Variants in RAB3GAP1 observed in about 807,000 individuals in gnomAD.
The protein encoded by RAB3GAP1 is RAB3 GTPase activating protein catalytic subunit 1.
A neutral mutation model predicts 130.7 loss-of-function variants in RAB3GAP1; 86 were observed. The observed-to-expected ratio is 0.66, with a 90% CI of 0.55 to 0.79. The LOEUF is 0.79. Among genes scored for constraint, RAB3GAP1 ranks in the 30% least tolerant of loss-of-function variants. RAB3GAP1 has a pLI of 0.00. For missense variants in RAB3GAP1, 1,029 were observed against 1,169.4 expected, an observed-to-expected ratio of 0.88 and a Z score of 1.75; for synonymous variants, 367 against 401.7, an observed-to-expected ratio of 0.91 and a Z score of 1.03.
rs1691468086 is a variant in RAB3GAP1, at chr2:135,129,551, T to C, written c.974-444T>C. Among the ~76,000 whole-genome samples the C allele has an allele frequency of 2.0e-5, 3 of 152,130 alleles. No homozygotes were observed. In the South Asian group the frequency reaches 6.2e-4, roughly 31 times the overall value. On this transcript the variant is annotated intron_variant, in intron 11 of 23. Transcript: ENST00000264158. ...ACTGAAATATCTTTATCCTACATGA[T>C]TTCCTAATCTTCTAGAAACATGTCT...
At chr2:135,123,998 G>A in intron 8 of RAB3GAP1, 167 bp from the exon 9 acceptor site, 3 of 618,766 alleles carry the variant, frequency 4.8e-6, no homozygotes, top group Non-Finnish European at 8.6e-6. Context: ...CTCTGGGGAA[G>A]TCAAATATTG....
chr2:135,084,145 T>C (rs1689909901), intron 3 of RAB3GAP1, among the ~76,000 whole-genome samples: 1 of 152,096 alleles, frequency 6.6e-6, no homozygotes, highest in Admixed American at 6.6e-5. Context: ...CTTGGGAGGC[T>C]GAGGCAGGAG....
At position 135,135,335 on chromosome 2, in the gene RAB3GAP1, T is replaced by A; in HGVS notation, c.1554+16T>A. On this transcript the variant is annotated intron_variant, in intron 16 of 23. Transcript: ENST00000264158. ...GAAACTACAGGTAAAGATTTCTCAA[T>A]GACATGGATAAATGTGGTCTTGATT... is the stretch of plus-strand genomic sequence containing the variant. 6.3e-7 allele frequency: 1 copy of A among 1,584,392 alleles called. No individual in the cohort carries two copies. The highest frequency in any genetic ancestry group is 8.7e-7 in the Non-Finnish European group (1 of 1,153,160).
chr2:135,110,930 A>G (rs2104909292), intron 5 of RAB3GAP1, among the ~76,000 whole-genome samples: 1 of 152,292 alleles, frequency 6.6e-6, no homozygotes, highest in Middle Eastern at 3.4e-3. Flanking sequence ...AGAGGATGGA[A>G]CGGGGATGTT....
At chr2:135,125,622 C>T (rs1691326168) in intron 9 of RAB3GAP1, among the ~76,000 whole-genome samples, 1 of 152,180 alleles carries the variant, frequency 6.6e-6, no homozygotes, top group African/African-American at 2.4e-5. Context: ...CTTGTGATCA[C>T]TCTGATCACC....
At chr2:135,076,559 A>G (rs1689640656) in intron 3 of RAB3GAP1, among the ~76,000 whole-genome samples, 1 of 152,138 alleles carries the variant, frequency 6.6e-6, no homozygotes, top group Admixed American at 6.5e-5. Context: ...GGGCTTTTAT[A>G]TTTTTATGAA....
chr2:135,053,182 G>T (rs1574069254), intron 2 of RAB3GAP1, among the ~76,000 whole-genome samples: 1 of 152,332 alleles, frequency 6.6e-6, no homozygotes, highest in East Asian at 1.9e-4. Flanking sequence ...TCGCTGTGTT[G>T]CCCAGGCTAG....
intron 14 of RAB3GAP1, among the ~76,000 whole-genome samples, chr2:135,133,276 AT>A (rs939315393): frequency 4.7e-4 from 71 of 152,178 alleles, no homozygotes; most frequent in African/African-American, 1.6e-3. Context: ...TTCTCAGCAG[AT>A]TCTTTTTGAT....
chr2:135,126,966 C>T (rs972015730), intron 11 of RAB3GAP1, among the ~76,000 whole-genome samples: 1 of 151,982 alleles, frequency 6.6e-6, no homozygotes, highest in South Asian at 2.1e-4. Flanking sequence ...ACCTCTGCCT[C>T]CCGGGTTCAA....
chr2:135,105,837 C>T (rs1292659644), intron 5 of RAB3GAP1, among the ~76,000 whole-genome samples: 2 of 151,422 alleles, frequency 1.3e-5, no homozygotes, highest in Admixed American at 6.6e-5. Flanking sequence ...AGCGCCTCTG[C>T]CCCGCCGCCC....
intron 17 of RAB3GAP1, among the ~76,000 whole-genome samples, chr2:135,139,905 A>G (rs1018171122): frequency 5.9e-5 from 9 of 152,214 alleles, no homozygotes; most frequent in African/African-American, 1.9e-4. Context: ...TTTTGTCACC[A>G]TAGGTTAGCT....
chr2:135,086,661 CTTTTTTTTTTTTTTT>C lies in RAB3GAP1; in HGVS notation c.151-4326_151-4312del, dbSNP rs59270938. ...CCTGTAGTCCATTGCTTCCCCTAAT[CTTTTTTTTTTTTTTT>C]TTTTTTTTTTCCTTAGAGATAGGGT... On this transcript the variant is annotated intron_variant, in intron 3 of 23. Transcript: ENST00000264158. Among the ~76,000 whole-genome samples the C allele has an allele frequency of 3.6e-3, 232 of 65,088 alleles. 1 individual carries two copies. Among genetic ancestry groups the C allele is most frequent in the African/African-American group, 0.015 (228 of 15,548 alleles). The allele number at this position is 65,088 out of a possible 152,430, so 42.7% of individuals were successfully genotyped here.
chr2:135,137,268 T>C (rs915907625), intron 17 of RAB3GAP1: 3 of 399,148 alleles, frequency 7.5e-6, no homozygotes, highest in East Asian at 7.5e-5. Flanking sequence ...GTTAAAGGTA[T>C]TGGCGTATTC....
chr2:135,111,426 CTGAA>C (rs1690798422), intron 5 of RAB3GAP1, among the ~76,000 whole-genome samples: 1 of 152,092 alleles, frequency 6.6e-6, no homozygotes, highest in African/African-American at 2.4e-5. Context: ...GATATGGCAA[CTGAA>C]TGAGAAGTTT....
intron 3 of RAB3GAP1, among the ~76,000 whole-genome samples, chr2:135,062,823 G>T (rs553272217): frequency 6.6e-6 from 1 of 152,240 alleles, no homozygotes; most frequent in East Asian, 1.9e-4. Context: ...TTGTTTTCCA[G>T]TTGTTCACTG....
At chr2:135,070,569 G>T (rs575838210) in intron 3 of RAB3GAP1, among the ~76,000 whole-genome samples, 4 of 152,004 alleles carry the variant, frequency 2.6e-5, no homozygotes. Context: ...GTGCAGTGGC[G>T]CAATCTCGGC....
intron 7 of RAB3GAP1, among the ~76,000 whole-genome samples, chr2:135,118,621 T>A (rs189279075): frequency 5.8e-4 from 89 of 152,332 alleles, no homozygotes; most frequent in African/African-American, 8.2e-4. Context: ...AGTTTCATTT[T>A]AAATTTTTAA....
At chr2:135,094,677 C>G (rs1690241274) in intron 5 of RAB3GAP1, among the ~76,000 whole-genome samples, 1 of 152,186 alleles carries the variant, frequency 6.6e-6, no homozygotes, top group Non-Finnish European at 1.5e-5. Flanking sequence ...CTTCCCACTT[C>G]TAACCCATGT....
At chr2:135,074,832 G>C (rs778311577) in intron 3 of RAB3GAP1, among the ~76,000 whole-genome samples, 2 of 152,254 alleles carry the variant, frequency 1.3e-5, no homozygotes, top group Non-Finnish European at 2.9e-5. Flanking sequence ...CAGCACAGCA[G>C]AGAAGGGGCT....
Sources: gnomAD v4.1 joint callset for allele counts (sites outside exome capture counted in the v4.1 genomes callset) on GRCh38, gnomAD v4.1.1 for gene constraint, MANE v1.5 for transcripts, NCBI Gene and HGNC (gene_info 2026-07-23, HGNC 2026-07-21) for gene names.